Variants in SLC43A2 observed in about 807,000 individuals in gnomAD.
SLC43A2 encodes solute carrier family 43 member 2, also known as large neutral amino acids transporter small subunit 4.
A neutral mutation model predicts 63.2 loss-of-function variants in SLC43A2; 38 were observed. The observed-to-expected ratio is 0.60, with a 90% confidence interval of 0.46 to 0.79. The LOEUF (loss-of-function observed/expected upper bound fraction) is 0.79. Among genes scored for constraint, SLC43A2 ranks in the 30% least tolerant of loss-of-function variants. SLC43A2 has a pLI of 0.00. For synonymous variants in SLC43A2, 322 were observed against 331.0 expected, an observed-to-expected ratio of 0.97 and a Z score of 0.30; for missense variants, 644 against 756.2, an observed-to-expected ratio of 0.85 and a Z score of 1.74.
At chr17:1,610,588 C>T (rs1907000757) in intron 5 of SLC43A2, among the ~76,000 whole-genome samples, 1 of 148,878 alleles carries the variant, frequency 6.7e-6, no homozygotes, top group African/African-American at 2.5e-5. Flanking sequence ...AAAATAAAAT[C>T]ATTTTTGGGC....
chr17:1,594,430 T>A (rs143689110), intron 5 of SLC43A2, among the ~76,000 whole-genome samples: 189 of 152,278 alleles, frequency 1.2e-3, no homozygotes, highest in Non-Finnish European at 1.6e-3. Flanking sequence ...AGCAAACCTT[T>A]CCTGTCCACA....
intron 13 of SLC43A2, 111 bp from the exon 14 acceptor site, chr17:1,575,876 G>T (rs1409110625): frequency 8.1e-7 from 1 of 1,242,016 alleles, no homozygotes. Context: ...GTGGAAGGGG[G>T]AACGAAACAG....
chr17:1,616,347 A>G lies in SLC43A2; in HGVS notation c.368+215T>C, dbSNP rs952881686. ...CAGCTCCGGTCCCTGGGCGGCCTGGAGCCTGGAGCTTTTCTTATTCGGTAC... is the reference window on the plus strand; with the variant it reads ...CAGCTCCGGTCCCTGGGCGGCCTGGGGCCTGGAGCTTTTCTTATTCGGTAC... On this transcript the variant is annotated intron_variant, in intron 3 of 13. Coordinates refer to ENST00000301335, the MANE Select transcript of SLC43A2 (RefSeq NM_152346.3). The G allele has an allele frequency of 5.3e-6, 3 of 561,132 alleles. No homozygotes were observed. The African/African-American group carries it at 5.7e-5, about 11-fold the overall frequency. The allele number at this position is 561,132 out of a possible 1,614,324, so 34.8% of individuals were successfully genotyped here. A position where few individuals can be genotyped will look rare whatever the true frequency, so the allele number is the denominator to read the frequency against.
intron 5 of SLC43A2, among the ~76,000 whole-genome samples, chr17:1,600,152 A>ATATATATATATATATATATATAT (rs1216616243): frequency 5.0e-5 from 3 of 60,280 alleles, no homozygotes; most frequent in Admixed American, 3.3e-4. Flanking sequence ...ATATATATAT[A>ATATATATATATATATATATATAT]TTTTTTTTTT....
At chr17:1,610,427 C>T (rs890012893) in intron 5 of SLC43A2, among the ~76,000 whole-genome samples, 17 of 140,642 alleles carry the variant, frequency 1.2e-4, no homozygotes, top group Non-Finnish European at 2.6e-4. Context: ...CATGCCCTGG[C>T]TAATTAAAAA....
chr17:1,585,776 C>G, intron 10 of SLC43A2, 137 bp downstream of exon 10: 1 of 1,596,504 alleles, frequency 6.3e-7, no homozygotes, highest in Non-Finnish European at 8.5e-7. Context: ...GAGTGAGTCT[C>G]TCTAAGGGCT....
At chr17:1,611,228 A>T (rs1907073099) in intron 5 of SLC43A2, among the ~76,000 whole-genome samples, 3 of 152,194 alleles carry the variant, frequency 2.0e-5, no homozygotes, top group African/African-American at 7.2e-5. Context: ...CTCAAGCTCA[A>T]GGACCATCTC....
chr17:1,576,823 G>C (rs573412555), intron 12 of SLC43A2, 103 bp from the exon 13 acceptor site: 1 of 1,435,202 alleles, frequency 7.0e-7, no homozygotes, highest in East Asian at 2.5e-5. Flanking sequence ...AGAGAAGGGT[G>C]GGGTGCCAGC....
In SLC43A2 at chr17:1,627,975, C is replaced by G. The variant is rs1908845271; in HGVS notation, c.-46-55G>C. 3.1e-6 allele frequency: 4 copies of G among 1,287,424 alleles called. No homozygotes were observed. In the Middle Eastern group the frequency reaches 8.9e-4, roughly 288 times the overall value. The allele number at this position is 1,287,424 out of a possible 1,614,324, so 79.8% of individuals were successfully genotyped here. On this transcript the variant is annotated intron_variant, in intron 1 of 13. Transcript: ENST00000301335. ...GCCCTTGCCCAGCCCCTGCGGCCGC[C>G]CCCAGCAGCCCCGACCGCTGCCGCA...
rs927140026 is a variant in SLC43A2, at chr17:1,583,432, T to C, written c.1218-96A>G. 1.9e-6 allele frequency: 3 copies of C among 1,565,596 alleles called. No individual in the cohort carries two copies. The highest frequency in any genetic ancestry group is 2.7e-5 in the African/African-American group (2 of 74,054). ...GCCTCAAGCGTCGCAGCAGGTAAAC[T>C]GACGCAAGACTCAGAAGCCACCCAG... is the stretch of plus-strand genomic sequence containing the variant. On this transcript the variant is annotated intron_variant, in intron 10 of 13. Coordinates refer to ENST00000301335, the MANE Select transcript of SLC43A2 (RefSeq NM_152346.3). The surrounding 1 kb of genome is among the most constrained non-coding windows in gnomAD (Gnocchi z 5.5).
At chr17:1,589,041 T>C (rs927235616) in intron 9 of SLC43A2, among the ~76,000 whole-genome samples, 1 of 152,216 alleles carries the variant, frequency 6.6e-6, no homozygotes, top group African/African-American at 2.4e-5. Context: ...GCTAGGGCTA[T>C]GGGTGTTGGG....
At chr17:1,620,824 A>G (rs1457428126) in intron 2 of SLC43A2, among the ~76,000 whole-genome samples, 1 of 152,084 alleles carries the variant, frequency 6.6e-6, no homozygotes, top group Non-Finnish European at 1.5e-5. Context: ...CACCTGGGCC[A>G]CCGTGGGTCA....
At chr17:1,586,928 T>TGGGCCCCCCCCCCCCCCCCCCCCC in intron 9 of SLC43A2, 8 of 1,232,870 alleles carry the variant, frequency 6.5e-6, no homozygotes, top group Non-Finnish European at 9.0e-6. Context: ...TCCCTGACAA[T>TGGGCCCCCCCCCCCCCCCCCCCCC]CCCCCCCACC....
intron 9 of SLC43A2, among the ~76,000 whole-genome samples, chr17:1,588,052 G>T (rs1312631754): frequency 6.6e-6 from 1 of 152,234 alleles, no homozygotes; most frequent in Non-Finnish European, 1.5e-5. Flanking sequence ...GCCCACTTTG[G>T]CTGGGACTGG....
chr17:1,621,448 T>C (rs1908149254), intron 2 of SLC43A2, among the ~76,000 whole-genome samples: 1 of 152,158 alleles, frequency 6.6e-6, no homozygotes. Context: ...AAATCCTTAG[T>C]CTATCCGGCA....
intron 5 of SLC43A2, among the ~76,000 whole-genome samples, chr17:1,595,714 G>T (rs1461644338): frequency 6.6e-6 from 1 of 151,854 alleles, no homozygotes; most frequent in Non-Finnish European, 1.5e-5. Flanking sequence ...CAAAGTGCTG[G>T]GATTACAGGC....
chr17:1,603,714 G>A (rs996140643), intron 5 of SLC43A2, among the ~76,000 whole-genome samples: 2 of 152,160 alleles, frequency 1.3e-5, no homozygotes, highest in African/African-American at 4.8e-5. Flanking sequence ...GAACCCAGGA[G>A]GCAGAGGTGG....
rs1056177404 is a variant in SLC43A2 at position 1,577,944 on chromosome 17, G to C, written c.1424+306C>G. On this transcript the variant is annotated intron_variant, in intron 12 of 13. Transcript: ENST00000301335. The surrounding 1 kb of genome is among the most constrained non-coding windows in gnomAD (Gnocchi z 4.9). The stretch of plus-strand genomic sequence containing the variant: ...CAGCCAGGGCCAGCCCCAGGACTCG[G>C]CTGTAGTGGCCCCTGAGGCCATAAT... 2.6e-5 allele frequency among the ~76,000 whole-genome samples: 4 copies of C among 152,200 alleles called. No individual in the cohort carries two copies. The highest frequency in any genetic ancestry group is 5.9e-5 in the Non-Finnish European group (4 of 68,038).
At chr17:1,586,928 T>TGGGGCCCCCCCCCCCCCCCC in intron 9 of SLC43A2, 1 of 1,232,912 alleles carries the variant, frequency 8.1e-7, no homozygotes, top group Non-Finnish European at 1.1e-6. Context: ...TCCCTGACAA[T>TGGGGCCCCCCCCCCCCCCCC]CCCCCCCACC....
Sources: allele counts gnomAD v4.1 joint callset (sites outside exome capture counted in the v4.1 genomes callset), GRCh38; gene constraint gnomAD v4.1.1; non-coding constraint Gnocchi (gnomAD v3.1); transcripts MANE v1.5; gene names NCBI Gene and HGNC (gene_info 2026-07-23, HGNC 2026-07-21).